RIIAD1: variants seen among roughly 807,000 people sequenced by gnomAD.
RIIAD1 encodes the protein RIIa domain-containing protein 1.
A neutral mutation model predicts 13.3 loss-of-function variants in RIIAD1; 15 were observed. That is an observed-to-expected ratio of 1.13 (90% CI 0.76 to 1.74). The LOEUF (loss-of-function observed/expected upper bound fraction) is 1.74. Ranked by LOEUF, RIIAD1 falls within the 40% of genes most tolerant of loss-of-function variation. RIIAD1 has a pLI of 0.00. For synonymous variants in RIIAD1, 50 were observed against 43.3 expected, an observed-to-expected ratio of 1.16 and a Z score of -0.61; for missense variants, 121 against 112.2, an observed-to-expected ratio of 1.08 and a Z score of -0.35.
intron 3 of RIIAD1, among the ~76,000 whole-genome samples, chr1:151,728,081 G>A (rs190884650): frequency 2.6e-5 from 4 of 152,160 alleles, no homozygotes; most frequent in African/African-American, 7.2e-5. Context: ...TAAGGTCAAC[G>A]GTATTTAGAG....
At chr1:151,727,401 G>A (rs922440274) in intron 2 of RIIAD1, among the ~76,000 whole-genome samples, 174 bp from the exon 3 acceptor site, 7 of 152,128 alleles carry the variant, frequency 4.6e-5, no homozygotes, top group African/African-American at 1.4e-4. Context: ...CCTTAGATAC[G>A]GAGTTGAAGG....
Position 151,728,881 on chromosome 1 carries a change from A to T in RIIAD1, c.*45A>T. On this transcript the variant is annotated 3_prime_UTR_variant, in exon 4 of 5. Coordinates refer to ENST00000479191, the MANE Select transcript of RIIAD1 (RefSeq NM_001144956.3). ...CAGCTGTTGGGAGAGACCAGACGGA[A>T]TCCAGCCTCGGGGTGGGTGTTAACC... is the stretch of plus-strand genomic sequence containing the variant. 1 of 1,130,516 alleles carries T rather than the reference A, an allele frequency of 8.8e-7. No individual in the cohort carries two copies. The highest frequency in any genetic ancestry group is 1.3e-6 in the Non-Finnish European group (1 of 763,150). 70.0% of individuals were successfully genotyped at this position (1,130,516 alleles called of 1,614,324 possible).
intron 2 of RIIAD1, among the ~76,000 whole-genome samples, chr1:151,724,893 G>A (rs574014087): frequency 9.9e-5 from 15 of 151,124 alleles, no homozygotes; most frequent in Admixed American, 5.3e-4. Context: ...TCCGCCTCCC[G>A]TATTCACGCC....
upstream of RIIAD1, among the ~76,000 whole-genome samples, chr1:151,720,734 G>C (rs539134659): frequency 6.6e-6 from 1 of 152,166 alleles, no homozygotes; most frequent in Non-Finnish European, 1.5e-5. Context: ...GATCTCTGTG[G>C]GGGTAGGAGC....
chr1:151,722,958 A>G (rs1673764556), intron 2 of RIIAD1, among the ~76,000 whole-genome samples: 1 of 152,234 alleles, frequency 6.6e-6, no homozygotes, highest in Non-Finnish European at 1.5e-5. Flanking sequence ...TTAAGCTTAG[A>G]AAGGTGAAGT....
intron 3 of RIIAD1, 177 bp from the exon 4 acceptor site, chr1:151,728,589 G>A (rs940844412): frequency 8.7e-5 from 51 of 583,078 alleles, no homozygotes; most frequent in East Asian, 4.9e-4. Flanking sequence ...AGAACTGCTC[G>A]GGTGGGGGCA....
intron 2 of RIIAD1, among the ~76,000 whole-genome samples, chr1:151,712,936 C>G (rs930886726): frequency 6.6e-6 from 1 of 152,110 alleles, no homozygotes; most frequent in Non-Finnish European, 1.5e-5. Context: ...CACACACACA[C>G]TGCATGCACA....
chr1:151,714,875 G>A (rs1424883339), intron 4 of RIIAD1, among the ~76,000 whole-genome samples: 4 of 152,086 alleles, frequency 2.6e-5, no homozygotes, highest in Admixed American at 2.6e-4. Context: ...CCTAAATACT[G>A]GTGGTGATGG....
intron 4 of RIIAD1, among the ~76,000 whole-genome samples, chr1:151,715,368 C>G (rs896059579): frequency 1.3e-5 from 2 of 152,256 alleles, no homozygotes; most frequent in South Asian, 2.1e-4. Context: ...CAATCTCCAG[C>G]CTTCATGCCC....
intron 4 of RIIAD1, chr1:151,715,745 A>C (rs1036190853): frequency 1.9e-6 from 3 of 1,593,502 alleles, no homozygotes; most frequent in South Asian, 1.1e-5. Flanking sequence ...TCCTCCATCC[A>C]CTTTCCTCAG....
chr1:151,721,552 G>C lies in RIIAD1; in HGVS notation c.16G>C (p.Gly6Arg). The C allele has an allele frequency of 1.5e-6, 2 of 1,331,862 alleles. No homozygotes were observed. Among genetic ancestry groups the C allele is most frequent in the Non-Finnish European group, 1.9e-6 (2 of 1,039,708 alleles). The allele number at this position is 1,331,862 out of a possible 1,614,324, so 82.5% of individuals were successfully genotyped here. ...CCGCAGCAAGATGGAGACGCTGCCAGGCTTGCTGCAGCGGCCCGACCCCGG... is the reference window on the plus strand; with the variant it reads ...CCGCAGCAAGATGGAGACGCTGCCACGCTTGCTGCAGCGGCCCGACCCCGG... METLPGLLQRPDPGAL... is the reference protein window; with the variant it reads METLPRLLQRPDPGAL... Residue 6 changes from glycine (G) to arginine (R), a missense_variant, in exon 1 of 5, where the codon GGC becomes CGC. Gly to Arg is a moderately radical substitution (Grantham distance 125, BLOSUM62 -2). Transcript: ENST00000479191.
At chr1:151,727,705 G>C in intron 3 of RIIAD1, 84 bp downstream of exon 3, 1 of 841,060 alleles carries the variant, frequency 1.2e-6, no homozygotes, top group Non-Finnish European at 1.8e-6. Context: ...AATGAGCCCA[G>C]GATTCTCCCA....
Position 151,716,047 on chromosome 1 carries a change from G to A in RIIAD1, c.21+1518G>A, listed in dbSNP as rs770620458. 3.1e-6 allele frequency: 5 copies of A among 1,594,316 alleles called. No individual in the cohort carries two copies. In the South Asian group the frequency reaches 3.4e-5, roughly 11 times the overall value. ...GAGGCGGCCCAGGAGGAGGGGCCGA[G>A]GGGAGCAGGGAGAGGCCCAAAGGCC... is the stretch of plus-strand genomic sequence containing the variant. On this transcript the variant is annotated intron_variant, in intron 4 of 8. Coordinates refer to the RIIAD1 transcript ENST00000326413.
chr1:151,713,288 C>A (rs944981680), intron 2 of RIIAD1, among the ~76,000 whole-genome samples: 3 of 152,206 alleles, frequency 2.0e-5, no homozygotes, highest in Admixed American at 6.5e-5. Flanking sequence ...CTCTCCACAC[C>A]CAGGATGGAG....
chr1:151,725,007 A>G (rs1005613547), intron 2 of RIIAD1, among the ~76,000 whole-genome samples: 1 of 149,654 alleles, frequency 6.7e-6, no homozygotes, highest in African/African-American at 2.5e-5. Flanking sequence ...ACGGGGTTTC[A>G]CTGCGTTAGC....
rs752809760 is a variant in RIIAD1, at chr1:151,715,913, C to A, written c.21+1384C>A. On this transcript the variant is annotated intron_variant, in intron 4 of 8. Transcript: ENST00000326413. ...CGGTGTACTTGTCCTTGATGACAGT[C>A]AGCTCAAAGATCCGACCAAACTGTT... The A allele has an allele frequency of 3.0e-5, 48 of 1,614,138 alleles. No individual in the cohort carries two copies. The South Asian group carries it at 5.2e-4, about 17-fold the overall frequency.
intron 4 of RIIAD1, chr1:151,716,487 G>A (rs866172466): frequency 3.2e-6 from 1 of 311,408 alleles, no homozygotes; most frequent in East Asian, 8.8e-5. Context: ...GTCAGTAAGG[G>A]GGGCCCACTC....
chr1:151,716,100 G>A, intron 4 of RIIAD1: 1 of 1,450,574 alleles, frequency 6.9e-7, no homozygotes, highest in East Asian at 2.3e-5. Flanking sequence ...AAGGAGATAA[G>A]TGGTGGGGCC....
chr1:151,715,690 C>T lies in RIIAD1; in HGVS notation c.21+1161C>T, dbSNP rs1673421221. ...CAGCCAAAAGAGGCCCTCCTTAGTC[C>T]TTCACCGGGGTTTCCTGATCACTCT... On this transcript the variant is annotated intron_variant, in intron 4 of 8. Coordinates refer to the RIIAD1 transcript ENST00000326413. 3 of 1,534,354 alleles carry T rather than the reference C, an allele frequency of 2.0e-6. No homozygotes were observed. In the Admixed American group the frequency reaches 5.9e-5, roughly 30 times the overall value.
Sources: allele counts gnomAD v4.1 joint callset (sites outside exome capture counted in the v4.1 genomes callset), GRCh38; gene constraint gnomAD v4.1.1; transcripts MANE v1.5; gene names NCBI Gene and HGNC (gene_info 2026-07-23, HGNC 2026-07-21).